The following KIF13B variants were observed in gnomAD, a reference collection of about 807,000 sequenced individuals.
The protein encoded by KIF13B is kinesin-like protein KIF13B.
KIF13B carries 127 observed loss-of-function variants against 222.0 expected under a neutral mutation model. The ratio of observed to expected loss-of-function variants is 0.57; its 90% confidence interval spans 0.50 to 0.66. The LOEUF (loss-of-function observed/expected upper bound fraction) is 0.66. KIF13B is among the 30% of genes least tolerant of loss of function. The pLI, the probability that KIF13B is intolerant of heterozygous loss-of-function variation, is 0.00. For missense variants in KIF13B, 2,173 were observed against 2,379.0 expected, an observed-to-expected ratio of 0.91 and a Z score of 1.80; for synonymous variants, 976 against 919.0, an observed-to-expected ratio of 1.06 and a Z score of -1.12.
chr8:29,181,464 T>A (rs368709397), intron 7 of KIF13B, among the ~76,000 whole-genome samples: 10 of 152,364 alleles, frequency 6.6e-5, no homozygotes, highest in East Asian at 5.8e-4. Flanking sequence ...ATTTTTTTAA[T>A]GTTAGGTGCA....
chr8:29,171,411 C>A, intron 10 of KIF13B, among the ~76,000 whole-genome samples: 1 of 151,712 alleles, frequency 6.6e-6, no homozygotes. Context: ...ACAATTACAA[C>A]GCAAATATGA....
At chr8:29,175,673 C>T (rs1812444640) in intron 10 of KIF13B, among the ~76,000 whole-genome samples, 1 of 152,182 alleles carries the variant, frequency 6.6e-6, no homozygotes, top group Admixed American at 6.5e-5. Flanking sequence ...AAAACAAGCT[C>T]CAAAATGTTA....
At chr8:29,231,573 G>A (rs1018669706) in intron 2 of KIF13B, among the ~76,000 whole-genome samples, 4 of 152,116 alleles carry the variant, frequency 2.6e-5, no homozygotes, top group East Asian at 1.9e-4. Flanking sequence ...GGAAGCTTCC[G>A]TGCTCCTTAC....
chr8:29,176,265 C>T (rs993856161), intron 9 of KIF13B, 86 bp from the exon 10 acceptor site: 8 of 775,108 alleles, frequency 1.0e-5, no homozygotes, highest in African/African-American at 1.7e-5. Context: ...CACTAAGATG[C>T]CCTTGTACCT....
intron 35 of KIF13B, among the ~76,000 whole-genome samples, chr8:29,102,690 C>CG (rs1323926533): frequency 1.3e-5 from 2 of 152,218 alleles, no homozygotes; most frequent in African/African-American, 4.8e-5. Context: ...AGTGACATTT[C>CG]GGGTCCAATG....
At chr8:29,129,233 C>A (rs561393822) in intron 24 of KIF13B, among the ~76,000 whole-genome samples, 2 of 152,210 alleles carry the variant, frequency 1.3e-5, no homozygotes, top group African/African-American at 4.8e-5. Flanking sequence ...CTTAAATATC[C>A]AATTTACACT....
intron 35 of KIF13B, among the ~76,000 whole-genome samples, chr8:29,102,458 C>T (rs759262858): frequency 6.6e-6 from 1 of 152,198 alleles, no homozygotes; most frequent in Admixed American, 6.5e-5. Flanking sequence ...AGATAAAATC[C>T]TAGTCGATAC....
chr8:29,173,619 C>CA, intron 10 of KIF13B, among the ~76,000 whole-genome samples: 1 of 146,570 alleles, frequency 6.8e-6, no homozygotes. Flanking sequence ...GACCCTGTCT[C>CA]CAAAAAAAAA....
At chr8:29,088,840 C>T (rs996199373) in intron 37 of KIF13B, among the ~76,000 whole-genome samples, 2 of 152,122 alleles carry the variant, frequency 1.3e-5, no homozygotes, top group African/African-American at 4.8e-5. Context: ...GAAGTGTGAC[C>T]CAAGTAAGAA....
intron 1 of KIF13B, among the ~76,000 whole-genome samples, chr8:29,247,667 G>A (rs555758449): frequency 1.0e-3 from 152 of 151,130 alleles, no homozygotes; most frequent in African/African-American, 3.3e-3. Context: ...TCTCTACAAA[G>A]AAAAAAAGTT....
At chr8:29,074,029 G>A (rs1043065117) in intron 38 of KIF13B, among the ~76,000 whole-genome samples, 2 of 152,116 alleles carry the variant, frequency 1.3e-5, no homozygotes, top group Admixed American at 1.3e-4. Context: ...CCCAACAGGG[G>A]AGAATACGCA....
chr8:29,233,843 G>T lies in KIF13B; in HGVS notation c.149+11503C>A, dbSNP rs538282582. Among the ~76,000 whole-genome samples, 3 of 152,240 alleles carry T rather than the reference G, an allele frequency of 2.0e-5. No individual in the cohort carries two copies. The East Asian group carries it at 5.8e-4, about 29-fold the overall frequency. ...CACTCCAGTGTAGGTGACAGAGTGA[G>T]ACTTTGTCTCTGAAGTACATGTGTG... is the stretch of plus-strand genomic sequence containing the variant. On this transcript the variant is annotated intron_variant, in intron 2 of 39. Transcript: ENST00000524189.
intron 10 of KIF13B, among the ~76,000 whole-genome samples, chr8:29,168,363 A>C (rs1340847221): frequency 6.6e-6 from 1 of 152,192 alleles, no homozygotes; most frequent in Non-Finnish European, 1.5e-5. Flanking sequence ...ACAAAAGAAG[A>C]CTTGGGGCAT....
At chr8:29,115,651 A>G (rs1333492363) in intron 31 of KIF13B, among the ~76,000 whole-genome samples, 1 of 152,102 alleles carries the variant, frequency 6.6e-6, no homozygotes. Flanking sequence ...GAAGTTTTGT[A>G]CTAAACCCCT....
chr8:29,110,971 ACT>A (rs980338928), intron 32 of KIF13B, among the ~76,000 whole-genome samples: 18 of 152,172 alleles, frequency 1.2e-4, no homozygotes, highest in Admixed American at 9.2e-4. Context: ...GGGAAAACAA[ACT>A]CTGTTAATTT....
intron 2 of KIF13B, among the ~76,000 whole-genome samples, chr8:29,222,644 A>G (rs1204302840): frequency 6.6e-6 from 1 of 151,066 alleles, no homozygotes; most frequent in East Asian, 2.0e-4. Context: ...GATTTCCTGA[A>G]AGCAAATAAT....
At chr8:29,169,385 C>G (rs1306883093) in intron 10 of KIF13B, among the ~76,000 whole-genome samples, 1 of 152,140 alleles carries the variant, frequency 6.6e-6, no homozygotes, top group African/African-American at 2.4e-5. Context: ...TCCACTCCCC[C>G]ACAGCTGCCC....
intron 37 of KIF13B, among the ~76,000 whole-genome samples, chr8:29,079,558 T>C (rs572225807): frequency 4.1e-4 from 63 of 152,300 alleles, no homozygotes; most frequent in African/African-American, 1.5e-3. Context: ...GAAGACTAAA[T>C]TGTACAGTTA....
At chr8:29,229,572 T>C (rs1035702155) in intron 2 of KIF13B, among the ~76,000 whole-genome samples, 2 of 152,250 alleles carry the variant, frequency 1.3e-5, no homozygotes, top group African/African-American at 4.8e-5. Flanking sequence ...CTAAAGTCTC[T>C]ATTCACTTCT....
Sources: gnomAD v4.1 joint callset for allele counts (sites outside exome capture counted in the v4.1 genomes callset) on GRCh38, gnomAD v4.1.1 for gene constraint, MANE v1.5 for transcripts, NCBI Gene and HGNC (gene_info 2026-07-23, HGNC 2026-07-21) for gene names.